The following KLF7 variants were observed in gnomAD, a reference collection of about 807,000 sequenced individuals.
KLF7 encodes the protein KLF transcription factor 7.
Under a neutral mutation model 27.3 loss-of-function variants are expected in KLF7, and 2 were observed. The observed-to-expected ratio is 0.07, with a 90% confidence interval of 0.03 to 0.23. The LOEUF (loss-of-function observed/expected upper bound fraction) is 0.23. Among genes scored for constraint, KLF7 ranks in the 10% least tolerant of loss-of-function variants. The pLI, the probability that KLF7 is intolerant of heterozygous loss-of-function variation, is 1.00. For synonymous variants in KLF7, 165 were observed against 162.4 expected, an observed-to-expected ratio of 1.02 and a Z score of -0.12; for missense variants, 221 against 394.1, an observed-to-expected ratio of 0.56 and a Z score of 3.72.
upstream of KLF7, chr2:207,166,788 C>T (rs2078725712): frequency 4.0e-6 from 4 of 996,204 alleles, no homozygotes; most frequent in Admixed American, 6.0e-5. Context: ...ATCCAGGGCC[C>T]CTTCCCGAAC....
intron 2 of KLF7, among the ~76,000 whole-genome samples, chr2:207,101,050 T>C (rs988981890): frequency 2.0e-5 from 3 of 152,240 alleles, no homozygotes; most frequent in African/African-American, 4.8e-5. Flanking sequence ...TGTTACCACC[T>C]TACCTTCCAG....
chr2:207,122,393 C>T (rs1447312896), intron 2 of KLF7, among the ~76,000 whole-genome samples: 1 of 152,108 alleles, frequency 6.6e-6, no homozygotes, highest in Non-Finnish European at 1.5e-5. Context: ...CAGTCTTCAT[C>T]CTCCCATGGG....
chr2:207,126,026 A>G (rs1009601273), intron 1 of KLF7, among the ~76,000 whole-genome samples: 5 of 152,216 alleles, frequency 3.3e-5, no homozygotes, highest in Non-Finnish European at 5.9e-5. Flanking sequence ...TTAGTGAAAA[A>G]GTAAGTTTTG....
chr2:207,173,176 T>C, the KLF7 span, among the ~76,000 whole-genome samples: 58,552 of 151,934 alleles, frequency 0.39, 12,142 homozygotes, highest in African/African-American at 0.52. Flanking sequence ...TGTTTCATAA[T>C]TGAGAAAAAT....
chr2:207,134,159 T>TTTTTTC (rs2077718503), intron 1 of KLF7: 1 of 1,470,200 alleles, frequency 6.8e-7, no homozygotes. Context: ...CTGGGATTTT[T>TTTTTTC]TTTTTTTTTT....
At chr2:207,094,442 C>G (rs2076580412) in intron 2 of KLF7, among the ~76,000 whole-genome samples, 1 of 152,088 alleles carries the variant, frequency 6.6e-6, no homozygotes, top group East Asian at 1.9e-4. Context: ...TTTGGAAACT[C>G]TGCAGATCAG....
At chr2:207,122,109 G>A (rs1185047084) in intron 2 of KLF7, 2 of 152,186 alleles carry the variant, frequency 1.3e-5, no homozygotes, top group African/African-American at 2.4e-5. Flanking sequence ...ACTTTAGAAA[G>A]AAAGAAGTAT....
At chr2:207,164,888 G>C (rs1383887834) in intron 1 of KLF7, among the ~76,000 whole-genome samples, 1 of 152,156 alleles carries the variant, frequency 6.6e-6, no homozygotes, top group African/African-American at 2.4e-5. Context: ...AGTATCTTTT[G>C]TCAGTGGGCT....
At chr2:207,142,305 A>G (rs1475934413) in intron 1 of KLF7, among the ~76,000 whole-genome samples, 2 of 152,214 alleles carry the variant, frequency 1.3e-5, no homozygotes, top group African/African-American at 2.4e-5. Context: ...CTGCTAAGAT[A>G]AACAGGTGAC....
intron 1 of KLF7, among the ~76,000 whole-genome samples, chr2:207,164,287 T>C (rs930438324): frequency 2.7e-4 from 41 of 152,278 alleles, no homozygotes; most frequent in African/African-American, 9.9e-4. Flanking sequence ...GCGAAGAAAT[T>C]ACACGAGCAG....
intron 1 of KLF7, among the ~76,000 whole-genome samples, chr2:207,126,680 G>GTT (rs1488838979): frequency 6.6e-6 from 1 of 152,106 alleles, no homozygotes; most frequent in African/African-American, 2.4e-5. Context: ...GCTTGTGCCT[G>GTT]TTATCCCAGC....
At chr2:207,111,251 T>C (rs896666673) in intron 2 of KLF7, among the ~76,000 whole-genome samples, 26 of 152,182 alleles carry the variant, frequency 1.7e-4, no homozygotes, top group Admixed American at 1.3e-4. Context: ...TGAACCATTG[T>C]GTGACTCTCC....
chr2:207,110,360 G>A (rs144951829), intron 2 of KLF7, among the ~76,000 whole-genome samples: 48 of 152,286 alleles, frequency 3.2e-4, no homozygotes, highest in African/African-American at 1.0e-3. Context: ...CGGAAAGCAC[G>A]TCACTCTTAT....
chr2:207,166,613 C>T (rs2078720243), upstream of KLF7: 1 of 171,350 alleles, frequency 5.8e-6, no homozygotes, highest in Non-Finnish European at 1.2e-5. Context: ...GGTCAGGACG[C>T]CTCCTGGAGG....
At chr2:207,097,255 G>T (rs965201525) in intron 2 of KLF7, among the ~76,000 whole-genome samples, 7 of 151,098 alleles carry the variant, frequency 4.6e-5, no homozygotes, top group Admixed American at 2.0e-4. Context: ...GTGTGGGGAA[G>T]GAATTAAAAA....
Position 207,124,198 on chromosome 2 carries a change from C to T in KLF7, c.309G>A (p.Lys103=). ...GGCTGAGGCAGGTCTCAGATAGCAA[C>T]TTGTCCCGAGAGAGCAAGATGTCCA... The part of the protein sequence containing the change: ...SAVDILLSRD[K]LLSETCLSLQ... The change falls in exon 2 of 4, where the codon AAG becomes AAA. Residue 103 remains lysine, a synonymous_variant. Transcript: ENST00000309446. 6.2e-7 allele frequency: 1 copy of T among 1,614,106 alleles called. No individual in the cohort carries two copies. The highest frequency in any genetic ancestry group is 8.5e-7 in the Non-Finnish European group (1 of 1,180,032).
At position 207,079,576 on chromosome 2, in the gene KLF7, G is replaced by T. The variant is rs562675774; in HGVS notation, c.*1637C>A. On this transcript the variant is annotated 3_prime_UTR_variant, in exon 4 of 4. Coordinates refer to ENST00000309446, the MANE Select transcript of KLF7 (RefSeq NM_003709.4). The stretch of plus-strand genomic sequence containing the variant: ...GATGGTCCTAAAGGCAGTCTTTGGA[G>T]TTGAGGCCAGTGCCAGCTAGCTAGG... The T allele has an allele frequency of 6.6e-6, 1 of 152,416 alleles. No individual in the cohort carries two copies. Among genetic ancestry groups the T allele is most frequent in the East Asian group, 1.9e-4 (1 of 5,180 alleles). The allele number at this position is 152,416 out of a possible 1,614,324, so 9.4% of individuals were successfully genotyped here.
intron 1 of KLF7, 83 bp downstream of exon 1, chr2:207,165,383 AT>A (rs2078677974): frequency 6.4e-7 from 1 of 1,572,734 alleles, no homozygotes; most frequent in South Asian, 1.1e-5. Context: ...ACAAACAAAA[AT>A]TTCAACCCAG....
chr2:207,110,689 T>C (rs1481628652), intron 2 of KLF7, among the ~76,000 whole-genome samples: 1 of 152,088 alleles, frequency 6.6e-6, no homozygotes, highest in Non-Finnish European at 1.5e-5. Context: ...TTAGTGGAGG[T>C]AGGGAGATTT....
Sources: allele counts gnomAD v4.1 joint callset (sites outside exome capture counted in the v4.1 genomes callset), GRCh38; gene constraint gnomAD v4.1.1; transcripts MANE v1.5; gene names NCBI Gene and HGNC (gene_info 2026-07-23, HGNC 2026-07-21).